Variants in CNTN4 observed in about 807,000 individuals in gnomAD.
CNTN4 encodes the protein contactin 4, also known as contactin-4.
In CNTN4, 77 loss-of-function variants were observed where a neutral mutation model predicts 122.5. The observed-to-expected ratio is 0.63, with a 90% confidence interval of 0.52 to 0.76. The LOEUF (loss-of-function observed/expected upper bound fraction) is 0.76. CNTN4 is among the 30% of genes least tolerant of loss of function. The pLI is 0.00. For missense variants in CNTN4, 1,256 were observed against 1,259.1 expected (o/e 1.00, Z 0.04); for synonymous variants, 512 against 447.0 (o/e 1.15, Z -1.83).
At chr3:2,894,158 C>T (rs953170855) in intron 10 of CNTN4, among the ~76,000 whole-genome samples, 1 of 152,136 alleles carries the variant, frequency 6.6e-6, no homozygotes, top group African/African-American at 2.4e-5. Flanking sequence ...AATAAAAGTG[C>T]ATTCTCCTAT....
At chr3:2,158,304 T>C (rs899107651) in intron 2 of CNTN4, among the ~76,000 whole-genome samples, 2 of 152,236 alleles carry the variant, frequency 1.3e-5, no homozygotes, top group Non-Finnish European at 2.9e-5. Flanking sequence ...CCTCATTATT[T>C]GTCCATCATT....
At chr3:2,207,356 G>A (rs1261011291) in intron 2 of CNTN4, among the ~76,000 whole-genome samples, 3 of 152,122 alleles carry the variant, frequency 2.0e-5, no homozygotes, top group African/African-American at 7.2e-5. Flanking sequence ...CATGTCGAAA[G>A]CTGAGAGTAG....
intron 4 of CNTN4, among the ~76,000 whole-genome samples, chr3:2,731,751 C>T (rs2088702185): frequency 6.6e-6 from 1 of 152,194 alleles, no homozygotes; most frequent in Admixed American, 6.5e-5. Context: ...ATCCCAACAT[C>T]CTGTCACTCA....
intron 3 of CNTN4, among the ~76,000 whole-genome samples, chr3:2,490,027 A>G (rs17015044): frequency 0.017 from 2,603 of 152,142 alleles, 76 homozygotes; most frequent in African/African-American, 0.059. Flanking sequence ...ATATTATCCT[A>G]TACAGAGGTT....
chr3:3,040,066 A>T lies in CNTN4; in HGVS notation c.2193A>T (p.Arg731=), dbSNP rs6802588. ...ETVPEELQNG[R]GFGYVVAFRP... ...TCCCTGAGGAATTACAGAATGGTCG[A>T]GGCTTTGGTTATGTGGTGGCCTTCC... Residue 731 remains arginine (R), a synonymous_variant, in exon 20 of 25, where the codon CGA becomes CGT. Transcript: ENST00000418658. 653,909 of 1,611,044 alleles carry T rather than the reference A, an allele frequency of 0.41. 138,038 individuals carry two copies. The highest frequency in any genetic ancestry group is 0.59 in the East Asian group (26,260 of 44,846).
intron 3 of CNTN4, among the ~76,000 whole-genome samples, chr3:2,418,067 CAT>C (rs2047481913): frequency 6.6e-6 from 1 of 152,078 alleles, no homozygotes; most frequent in Admixed American, 6.5e-5. Context: ...GATACAGATA[CAT>C]GTTATTACAA....
chr3:2,621,643 T>A (rs1222775391), intron 4 of CNTN4, among the ~76,000 whole-genome samples: 1 of 152,018 alleles, frequency 6.6e-6, no homozygotes, highest in Non-Finnish European at 1.5e-5. Flanking sequence ...ACTTAAAGTA[T>A]AATAAAAAAA....
intron 2 of CNTN4, among the ~76,000 whole-genome samples, chr3:2,291,755 A>G (rs968479196): frequency 6.6e-6 from 1 of 151,940 alleles, no homozygotes; most frequent in African/African-American, 2.4e-5. Flanking sequence ...TTTTTTTGAG[A>G]TAGAGTCTCG....
intron 3 of CNTN4, among the ~76,000 whole-genome samples, chr3:2,510,517 A>G (rs1575806028): frequency 1.3e-5 from 2 of 152,252 alleles, no homozygotes; most frequent in African/African-American, 4.8e-5. Context: ...ACTTTAAATG[A>G]TCACACGGGT....
chr3:2,973,551 A>G (rs1177425167), intron 13 of CNTN4, among the ~76,000 whole-genome samples: 4 of 151,978 alleles, frequency 2.6e-5, no homozygotes, highest in African/African-American at 7.3e-5. Context: ...TCTGACCTCT[A>G]CCCACACATC....
intron 2 of CNTN4, among the ~76,000 whole-genome samples, chr3:2,225,729 A>G (rs1447435823): frequency 1.3e-5 from 2 of 152,124 alleles, no homozygotes; most frequent in African/African-American, 4.8e-5. Context: ...CTGCCTTGAC[A>G]CCATTCCCCA....
At position 2,866,735 on chromosome 3, in the gene CNTN4, G is replaced by A; in HGVS notation, c.455-17G>A. 1 of 1,609,520 alleles carries A rather than the reference G, an allele frequency of 6.2e-7. No individual in the cohort carries two copies. Among genetic ancestry groups the A allele is most frequent in the Non-Finnish European group, 8.5e-7 (1 of 1,175,900 alleles). On this transcript the variant is annotated splice_polypyrimidine_tract_variant and intron_variant, in intron 7 of 24. Transcript: ENST00000418658. ...TGCCAAAAGACATATTTGTAATGAA[G>A]ATTTTTTTCCTTTCAGAGCTGAGTT...
At chr3:2,837,657 C>G (rs548255087) in intron 7 of CNTN4, among the ~76,000 whole-genome samples, 2 of 152,300 alleles carry the variant, frequency 1.3e-5, no homozygotes, top group East Asian at 1.9e-4. Flanking sequence ...AGGGCTAGTT[C>G]ATTTTCAGGT....
intron 3 of CNTN4, among the ~76,000 whole-genome samples, chr3:2,558,447 A>T (rs1396825484): frequency 6.6e-6 from 1 of 152,032 alleles, no homozygotes; most frequent in Non-Finnish European, 1.5e-5. Flanking sequence ...CTTGTTGTAG[A>T]ATATTACTCA....
At chr3:2,534,686 T>C (rs1001673895) in intron 3 of CNTN4, among the ~76,000 whole-genome samples, 1 of 151,696 alleles carries the variant, frequency 6.6e-6, no homozygotes, top group Non-Finnish European at 1.5e-5. Context: ...CATCTTTTTA[T>C]GTGGATGTCC....
At chr3:2,798,831 A>AT (rs899986194) in intron 6 of CNTN4, among the ~76,000 whole-genome samples, 47 of 151,332 alleles carry the variant, frequency 3.1e-4, no homozygotes, top group Non-Finnish European at 4.4e-4. Context: ...TGATATAATG[A>AT]TTTTTTTTTC....
At chr3:2,733,218 G>A (rs776441931) in intron 4 of CNTN4, among the ~76,000 whole-genome samples, 1 of 152,138 alleles carries the variant, frequency 6.6e-6, no homozygotes, top group Non-Finnish European at 1.5e-5. Flanking sequence ...AATGAATTGA[G>A]ATGATTGATA....
chr3:2,447,337 G>A lies in CNTN4; in HGVS notation c.-89+108104G>A, dbSNP rs569118454. Among the ~76,000 whole-genome samples the A allele has an allele frequency of 2.6e-5, 4 of 152,092 alleles. No homozygotes were observed. In the South Asian group the frequency reaches 8.3e-4, roughly 32 times the overall value. On this transcript the variant is annotated intron_variant, in intron 3 of 24. Coordinates refer to ENST00000418658, the MANE Select transcript of CNTN4 (RefSeq NM_175607.3). ...TTTTGGCACATTCTAATTATCTAAT[G>A]TCTTTAAGAGTTAGTGTTGTAATAA... is the stretch of plus-strand genomic sequence containing the variant.
At chr3:2,322,512 C>T (rs2043307399) in intron 2 of CNTN4, among the ~76,000 whole-genome samples, 1 of 151,888 alleles carries the variant, frequency 6.6e-6, no homozygotes, top group Non-Finnish European at 1.5e-5. Context: ...AGACAGAAGG[C>T]ATAATAGTGG....
Sources: gnomAD v4.1 joint callset for allele counts (sites outside exome capture counted in the v4.1 genomes callset) on GRCh38, gnomAD v4.1.1 for gene constraint, MANE v1.5 for transcripts, NCBI Gene and HGNC (gene_info 2026-07-23, HGNC 2026-07-21) for gene names.